IRAK2: variants seen among roughly 807,000 people sequenced by gnomAD.
The protein encoded by IRAK2 is interleukin 1 receptor associated kinase 2.
In IRAK2, 57 loss-of-function variants were observed where a neutral mutation model predicts 72.0. The ratio of observed to expected loss-of-function variants is 0.79; its 90% CI spans 0.64 to 0.99. IRAK2 has a LOEUF of 0.99. Among genes scored for constraint, IRAK2 ranks in the 50% least tolerant of loss-of-function variants. The pLI is 0.00. For missense variants in IRAK2, 790 were observed against 794.4 expected, an observed-to-expected ratio of 0.99 and a Z score of 0.07; for synonymous variants, 293 against 312.7, an observed-to-expected ratio of 0.94 and a Z score of 0.67.
intron 2 of IRAK2, among the ~76,000 whole-genome samples, chr3:10,186,373 G>A (rs1320163458): frequency 1.3e-5 from 2 of 151,812 alleles, no homozygotes; most frequent in East Asian, 3.9e-4. Flanking sequence ...CTTCTAATCA[G>A]TTCTGCTGTG....
intron 2 of IRAK2, among the ~76,000 whole-genome samples, chr3:10,196,794 C>T (rs914747769): frequency 2.6e-5 from 4 of 152,072 alleles, no homozygotes; most frequent in African/African-American, 9.7e-5. Flanking sequence ...GGGGAGGGTG[C>T]TTGAATTGAA....
intron 10 of IRAK2, among the ~76,000 whole-genome samples, chr3:10,227,827 C>T (rs937195909): frequency 6.6e-6 from 1 of 151,988 alleles, no homozygotes; most frequent in Non-Finnish European, 1.5e-5. Context: ...CACCACCACA[C>T]CTGGCTAATT....
intron 1 of IRAK2, among the ~76,000 whole-genome samples, chr3:10,172,393 C>A (rs1375165782): frequency 4.6e-5 from 7 of 151,360 alleles, no homozygotes; most frequent in Non-Finnish European, 8.8e-5. Flanking sequence ...AAAAAATTAG[C>A]CAGGTGTGAT....
At chr3:10,172,566 G>A (rs1277523472) in intron 1 of IRAK2, among the ~76,000 whole-genome samples, 5 of 145,568 alleles carry the variant, frequency 3.4e-5, no homozygotes, top group African/African-American at 1.3e-4. Context: ...AAGGCCGGGC[G>A]CGGTGGCTCA....
intron 1 of IRAK2, among the ~76,000 whole-genome samples, chr3:10,167,559 T>G (rs165501): frequency 6.6e-6 from 1 of 151,750 alleles, no homozygotes; most frequent in East Asian, 1.9e-4. Flanking sequence ...GGACTACAGG[T>G]GCCTGCCACC....
chr3:10,228,829 C>T (rs149115533), intron 10 of IRAK2, among the ~76,000 whole-genome samples: 1 of 152,236 alleles, frequency 6.6e-6, no homozygotes, highest in East Asian at 1.9e-4. Flanking sequence ...GTGGTTTCCA[C>T]CTAAATTGAA....
chr3:10,190,807 G>A (rs962192237), intron 2 of IRAK2, among the ~76,000 whole-genome samples: 2 of 152,158 alleles, frequency 1.3e-5, no homozygotes, highest in African/African-American at 2.4e-5. Flanking sequence ...GTTCCTCAAC[G>A]CAACAAATAT....
At position 10,192,023 on chromosome 3, in the gene IRAK2, A is replaced by AGTGTGTGTGT. The variant is rs56802078; in HGVS notation, c.278-8317_278-8308dup. 5.0e-3 allele frequency among the ~76,000 whole-genome samples: 676 copies of AGTGTGTGTGT among 135,776 alleles called. 9 individuals are homozygous for AGTGTGTGTGT. Among genetic ancestry groups the AGTGTGTGTGT allele is most frequent in the African/African-American group, 0.016 (590 of 36,770 alleles). The allele number at this position is 135,776 out of a possible 152,430, so 89.1% of individuals were successfully genotyped here. On this transcript the variant is annotated intron_variant, in intron 2 of 12. Transcript: ENST00000256458. ...CATTTCAGGTCTAGCTTGAGTTGGG[A>AGTGTGTGTGT]GTGTGTGTGTGTGTGTGTGTGTGTG...
At chr3:10,226,228 G>A in intron 9 of IRAK2, 143 bp from the exon 10 acceptor site, 1 of 574,380 alleles carries the variant, frequency 1.7e-6, no homozygotes, top group South Asian at 2.2e-5. Context: ...ATATTCCCAT[G>A]TTCCAGATTT....
At chr3:10,195,977 G>T (rs1225196358) in intron 2 of IRAK2, among the ~76,000 whole-genome samples, 3 of 152,160 alleles carry the variant, frequency 2.0e-5, no homozygotes, top group Admixed American at 1.3e-4. Flanking sequence ...GAGTGGCGGG[G>T]GGTAGCCTTC....
chr3:10,240,790 C>T (rs564837274), intron 12 of IRAK2, among the ~76,000 whole-genome samples: 1 of 151,414 alleles, frequency 6.6e-6, no homozygotes, highest in South Asian at 2.1e-4. Flanking sequence ...AACTCCCAAC[C>T]TCAGGTGATC....
chr3:10,227,761 C>T lies in IRAK2; in HGVS notation c.1272+1328C>T, dbSNP rs151096012. Among the ~76,000 whole-genome samples, 937 of 151,736 alleles carry T rather than the reference C, an allele frequency of 6.2e-3. 10 individuals are homozygous for T. The highest frequency in any genetic ancestry group is 0.022 in the African/African-American group (898 of 41,332). On this transcript the variant is annotated intron_variant, in intron 10 of 12. Coordinates refer to ENST00000256458, the MANE Select transcript of IRAK2 (RefSeq NM_001570.4). The stretch of plus-strand genomic sequence containing the variant: ...TCGGCTCACTACAAGCTCCACCTCC[C>T]GGGTTCATGCCATTCTTCTGCCTCA...
intron 2 of IRAK2, among the ~76,000 whole-genome samples, chr3:10,189,591 T>C (rs905627820): frequency 6.6e-6 from 1 of 152,238 alleles, no homozygotes; most frequent in African/African-American, 2.4e-5. Context: ...CCTGAAGTCT[T>C]GAGTTTCACA....
chr3:10,173,183 AC>A (rs1434031658), intron 1 of IRAK2, among the ~76,000 whole-genome samples: 4 of 152,116 alleles, frequency 2.6e-5, no homozygotes, highest in African/African-American at 9.7e-5. Context: ...GGGGAGATGA[AC>A]ACCTTCCCCA....
At chr3:10,192,063 G>GTGTGTGT (rs1697184411) in intron 2 of IRAK2, among the ~76,000 whole-genome samples, 4 of 141,072 alleles carry the variant, frequency 2.8e-5, no homozygotes, top group African/African-American at 1.1e-4. Context: ...TGTGTGTGTT[G>GTGTGTGT]TGTGTTGTGT....
At chr3:10,241,829 C>T (rs1387675788) in intron 12 of IRAK2, among the ~76,000 whole-genome samples, 2 of 138,512 alleles carry the variant, frequency 1.4e-5, no homozygotes, top group Non-Finnish European at 3.1e-5. Flanking sequence ...AAAAAAAAGC[C>T]AGGTGTGGTT....
chr3:10,227,665 T>G lies in IRAK2; in HGVS notation c.1272+1232T>G, dbSNP rs561927224. On this transcript the variant is annotated intron_variant, in intron 10 of 12. Coordinates refer to ENST00000256458, the MANE Select transcript of IRAK2 (RefSeq NM_001570.4). ...GATCTCCCTGAGCCGACATCATGAG[T>G]TTTTTTTTTGTTTTTGTTTTTGAGA... 6.6e-5 allele frequency among the ~76,000 whole-genome samples: 9 copies of G among 136,506 alleles called. No homozygotes were observed. In the South Asian group the frequency reaches 1.9e-3, roughly 29 times the overall value. The allele number at this position is 136,506 out of a possible 152,430, so 89.6% of individuals were successfully genotyped here. A position where few individuals can be genotyped will look rare whatever the true frequency, so the allele number is the denominator to read the frequency against.
chr3:10,209,459 G>A (rs1697484826), intron 3 of IRAK2, 130 bp from the exon 4 acceptor site: 1 of 531,432 alleles, frequency 1.9e-6, no homozygotes, highest in Non-Finnish European at 3.3e-6. Flanking sequence ...CACATGGTGG[G>A]TGTCAGGAAT....
At chr3:10,238,308 G>T (rs1422024685) in intron 11 of IRAK2, among the ~76,000 whole-genome samples, 1 of 152,134 alleles carries the variant, frequency 6.6e-6, no homozygotes, top group African/African-American at 2.4e-5. Context: ...TTCGTTGCTT[G>T]CCTCTGCTTT....
Sources: allele counts gnomAD v4.1 joint callset (sites outside exome capture counted in the v4.1 genomes callset), GRCh38; gene constraint gnomAD v4.1.1; transcripts MANE v1.5; gene names NCBI Gene and HGNC (gene_info 2026-07-23, HGNC 2026-07-21).